MSH3: variants seen among roughly 807,000 people sequenced by gnomAD.
MSH3 encodes the protein mutS homolog 3.
A neutral mutation model predicts 123.3 loss-of-function variants in MSH3; 106 were observed. The ratio of observed to expected loss-of-function variants is 0.86; its 90% CI spans 0.73 to 1.01. MSH3 has a LOEUF of 1.01. MSH3 is among the 50% of genes least tolerant of loss of function. The pLI is 0.00. For synonymous variants in MSH3, 515 were observed against 481.4 expected (o/e 1.07, Z -0.91); for missense variants, 1,459 against 1,347.6 (o/e 1.08, Z -1.29).
Position 80,683,661 on chromosome 5 carries a change from A to G in MSH3, c.1340+4568A>G, listed in dbSNP as rs572656348. 7.9e-5 allele frequency among the ~76,000 whole-genome samples: 12 copies of G among 152,122 alleles called. No homozygotes were observed. The South Asian group carries it at 1.0e-3, about 13-fold the overall frequency. ...CTTCCATTCCATGGGTTGTCTCTTC[A>G]CTTTGTTGATTGTTTCTGTTGCTGT... On this transcript the variant is annotated intron_variant, in intron 8 of 23. Coordinates refer to ENST00000265081, the MANE Select transcript of MSH3 (RefSeq NM_002439.5).
chr5:80,762,014 AAAC>A (rs1490238657), intron 13 of MSH3, among the ~76,000 whole-genome samples: 1 of 152,128 alleles, frequency 6.6e-6, no homozygotes, highest in African/African-American at 2.4e-5. Flanking sequence ...TAGAAAAAAA[AAAC>A]CTTATTTCTT....
chr5:80,780,368 G>A (rs972100786), intron 17 of MSH3, among the ~76,000 whole-genome samples: 1 of 152,130 alleles, frequency 6.6e-6, no homozygotes, highest in African/African-American at 2.4e-5. Flanking sequence ...TATTTTTCAC[G>A]TGACCCCTGT....
chr5:80,768,647 A>G (rs1009448225), intron 14 of MSH3, among the ~76,000 whole-genome samples, 188 bp from the exon 15 acceptor site: 1 of 152,176 alleles, frequency 6.6e-6, no homozygotes. Flanking sequence ...AAAAGCAGAA[A>G]TGATTTTAGG....
chr5:80,679,178 A>C (rs1182682323), intron 8 of MSH3, 85 bp downstream of exon 8: 2 of 1,397,604 alleles, frequency 1.4e-6, no homozygotes, highest in African/African-American at 2.8e-5. Flanking sequence ...AGTTGCTAAA[A>C]ATAGTTTTTA....
chr5:80,747,631 T>C (rs1743746165), intron 12 of MSH3, among the ~76,000 whole-genome samples: 1 of 152,206 alleles, frequency 6.6e-6, no homozygotes, highest in South Asian at 2.1e-4. Context: ...ATCTGCTGAT[T>C]AGTCAGTGGC....
chr5:80,858,464 C>G (rs1258630282), intron 21 of MSH3, among the ~76,000 whole-genome samples: 1 of 151,976 alleles, frequency 6.6e-6, no homozygotes, highest in African/African-American at 2.4e-5. Flanking sequence ...TCTTTTTTGA[C>G]CCATATGTTT....
At chr5:80,748,792 T>TATTG (rs1164079002) in intron 12 of MSH3, among the ~76,000 whole-genome samples, 2 of 151,732 alleles carry the variant, frequency 1.3e-5, no homozygotes, top group East Asian at 3.9e-4. Flanking sequence ...TGCTTGTAAA[T>TATTG]ATTGGTAGAG....
Position 80,693,361 on chromosome 5 carries a change from A to G in MSH3, c.1340+14268A>G, listed in dbSNP as rs1432113120. Among the ~76,000 whole-genome samples the G allele has an allele frequency of 3.4e-5, 2 of 59,258 alleles. 1 individual carries two copies. The highest frequency in any genetic ancestry group is 6.4e-5 in the Non-Finnish European group (2 of 31,222). The allele number at this position is 59,258 out of a possible 152,430, so 38.9% of individuals were successfully genotyped here. Reference sequence around the variant, plus strand: ...CATGCACATGTATATGTTTATATAGATATACATGCACATGTATATGTTTAT... The same window carrying G: ...CATGCACATGTATATGTTTATATAGGTATACATGCACATGTATATGTTTAT... On this transcript the variant is annotated intron_variant, in intron 8 of 23. Coordinates refer to ENST00000265081, the MANE Select transcript of MSH3 (RefSeq NM_002439.5).
chr5:80,794,556 G>C (rs13167281), intron 19 of MSH3, among the ~76,000 whole-genome samples: 6 of 152,070 alleles, frequency 3.9e-5, no homozygotes, highest in Admixed American at 6.6e-5. Flanking sequence ...TGAGAGAGAA[G>C]GTATCAGAGA....
At chr5:80,787,883 A>G (rs1292693741) in intron 18 of MSH3, among the ~76,000 whole-genome samples, 1 of 152,184 alleles carries the variant, frequency 6.6e-6, no homozygotes, top group African/African-American at 2.4e-5. Flanking sequence ...CAGATGTTAA[A>G]GTTTATGTGG....
intron 2 of MSH3, among the ~76,000 whole-genome samples, 155 bp from the exon 3 acceptor site, chr5:80,664,988 C>T (rs936450273): frequency 2.6e-5 from 4 of 152,080 alleles, no homozygotes. Flanking sequence ...ACCCTGAACC[C>T]AGTGTTTCTT....
intron 8 of MSH3, among the ~76,000 whole-genome samples, chr5:80,709,207 ATATGTGTGTGTG>A (rs1426124195): frequency 1.7e-5 from 2 of 117,024 alleles, no homozygotes; most frequent in African/African-American, 6.9e-5. Context: ...TATAAAATAG[ATATGTGTGTGTG>A]TGTGTGTGTG....
chr5:80,831,924 C>T (rs924410170), intron 20 of MSH3, among the ~76,000 whole-genome samples: 13 of 151,830 alleles, frequency 8.6e-5, no homozygotes, highest in African/African-American at 2.7e-4. Context: ...CTGGCTAACA[C>T]GGTGAAACCC....
chr5:80,849,666 C>T (rs571284342), intron 20 of MSH3, among the ~76,000 whole-genome samples: 1 of 152,244 alleles, frequency 6.6e-6, no homozygotes, highest in African/African-American at 2.4e-5. Context: ...GCTGCTGGGA[C>T]ACAGGGCACC....
intron 7 of MSH3, 87 bp downstream of exon 7, chr5:80,675,215 A>G: frequency 7.2e-7 from 1 of 1,394,746 alleles, no homozygotes; most frequent in Non-Finnish European, 1.0e-6. Context: ...TAATAAGGAT[A>G]TCTGATGAAG....
intron 8 of MSH3, among the ~76,000 whole-genome samples, chr5:80,689,686 G>A (rs189743505): frequency 8.6e-5 from 13 of 151,416 alleles, no homozygotes; most frequent in Non-Finnish European, 1.6e-4. Flanking sequence ...CCAGTTCAAG[G>A]GGATATATCC....
intron 2 of MSH3, among the ~76,000 whole-genome samples, chr5:80,659,293 C>T (rs924430537): frequency 2.6e-5 from 4 of 151,838 alleles, no homozygotes; most frequent in African/African-American, 4.8e-5. Flanking sequence ...ATGCACAATT[C>T]GGTGGCTTTT....
intron 8 of MSH3, among the ~76,000 whole-genome samples, chr5:80,724,426 GAA>G (rs1338847696): frequency 6.6e-6 from 1 of 151,944 alleles, no homozygotes; most frequent in Non-Finnish European, 1.5e-5. Flanking sequence ...ACCAAAATAT[GAA>G]CATGAAAAAA....
At chr5:80,838,416 G>A (rs1476230674) in intron 20 of MSH3, among the ~76,000 whole-genome samples, 7 of 152,274 alleles carry the variant, frequency 4.6e-5, no homozygotes, top group African/African-American at 9.6e-5. Context: ...AAAGATCTAC[G>A]TCTCATGATG....
Sources: allele counts gnomAD v4.1 joint callset (sites outside exome capture counted in the v4.1 genomes callset), GRCh38; gene constraint gnomAD v4.1.1; transcripts MANE v1.5; gene names NCBI Gene and HGNC (gene_info 2026-07-23, HGNC 2026-07-21).